TAFA5: variants seen among roughly 807,000 people sequenced by gnomAD.
The protein encoded by TAFA5 is TAFA chemokine like family member 5, also known as chemokine-like protein TAFA-5.
TAFA5 carries 6 observed loss-of-function variants against 15.3 expected under a neutral mutation model. The ratio of observed to expected loss-of-function variants is 0.39; its 90% CI spans 0.21 to 0.77. TAFA5 has a LOEUF of 0.77. TAFA5 is among the 30% of genes least tolerant of loss of function. The pLI is 0.41. For missense variants in TAFA5, 161 were observed against 193.1 expected (o/e 0.83, Z 0.98); for synonymous variants, 103 against 80.7 (o/e 1.28, Z -1.48).
intron 1 of TAFA5, chr22:48,576,211 G>C (rs1417808696): frequency 3.5e-6 from 1 of 287,090 alleles, no homozygotes; most frequent in Non-Finnish European, 5.7e-6. Flanking sequence ...AGCGGCGGCC[G>C]CCGCGGCCCG....
At chr22:48,587,893 A>G (rs1924420069) in intron 1 of TAFA5, among the ~76,000 whole-genome samples, 1 of 152,236 alleles carries the variant, frequency 6.6e-6, no homozygotes, top group Non-Finnish European at 1.5e-5. Context: ...GGGCTCCTGA[A>G]CTTCCCAGAA....
intron 1 of TAFA5, among the ~76,000 whole-genome samples, chr22:48,584,298 C>T (rs1443323205): frequency 6.9e-6 from 1 of 144,320 alleles, no homozygotes; most frequent in Non-Finnish European, 1.5e-5. Context: ...ACACAGCAGA[C>T]AGCAGACCAC....
intron 1 of TAFA5, among the ~76,000 whole-genome samples, chr22:48,537,262 C>T (rs975140851): frequency 2.0e-5 from 3 of 152,224 alleles, no homozygotes; most frequent in South Asian, 4.1e-4. Flanking sequence ...GCCCGGCTCC[C>T]TGGGGACCTG....
intron 1 of TAFA5, among the ~76,000 whole-genome samples, chr22:48,491,630 ACT>A (rs1601830852): frequency 6.6e-6 from 1 of 152,232 alleles, no homozygotes; most frequent in Admixed American, 6.5e-5. Context: ...CGCGGTACAC[ACT>A]GTCTCAAGAC....
intron 1 of TAFA5, among the ~76,000 whole-genome samples, chr22:48,540,108 G>A (rs1029726749): frequency 2.6e-5 from 4 of 152,204 alleles, no homozygotes; most frequent in Admixed American, 6.5e-5. Flanking sequence ...CCCCTCACCC[G>A]CAGTGAACCT....
intron 3 of TAFA5, among the ~76,000 whole-genome samples, chr22:48,732,907 C>G (rs1355698751): frequency 6.6e-6 from 1 of 152,134 alleles, no homozygotes; most frequent in East Asian, 1.9e-4. Flanking sequence ...GATGACGACT[C>G]CCGGAAGGCT....
intron 1 of TAFA5, among the ~76,000 whole-genome samples, chr22:48,591,210 A>C (rs1438747014): frequency 6.6e-6 from 1 of 152,226 alleles, no homozygotes. Context: ...AGCAACCTGA[A>C]GAGTTCTGTG....
intron 1 of TAFA5, among the ~76,000 whole-genome samples, chr22:48,573,161 G>A (rs947558249): frequency 6.6e-5 from 10 of 152,164 alleles, no homozygotes; most frequent in Admixed American, 3.9e-4. Flanking sequence ...CTGTGGAAGT[G>A]CAGCTCTTTG....
At chr22:48,736,968 TATCTC>T (rs1158533421) in intron 3 of TAFA5, among the ~76,000 whole-genome samples, 2 of 152,180 alleles carry the variant, frequency 1.3e-5, no homozygotes, top group African/African-American at 2.4e-5. Flanking sequence ...ATGTGAATCA[TATCTC>T]AATAAAACTG....
At chr22:48,576,564 C>T in intron 1 of TAFA5, 1 of 1,504,508 alleles carries the variant, frequency 6.6e-7, no homozygotes, top group Non-Finnish European at 8.9e-7. Context: ...CGCAGTTCCT[C>T]AAAGAAGGTA....
chr22:48,741,353 G>A (rs968146485), intron 3 of TAFA5, among the ~76,000 whole-genome samples: 2 of 152,224 alleles, frequency 1.3e-5, no homozygotes, highest in African/African-American at 2.4e-5. Context: ...CACCTTGGGA[G>A]TCACCCGGCA....
Position 48,593,952 on chromosome 22 carries a change from C to T in TAFA5, c.113-52645C>T, listed in dbSNP as rs1029378061. 2.4e-4 allele frequency among the ~76,000 whole-genome samples: 36 copies of T among 152,226 alleles called. 1 individual carries two copies. The highest frequency in any genetic ancestry group is 8.2e-4 in the African/African-American group (34 of 41,464). ...TCATCAGTGTGTCGGCTCTCATTTT[C>T]GTTATTTTTCCTATTATTTTCTCTA... is the stretch of plus-strand genomic sequence containing the variant. On this transcript the variant is annotated intron_variant, in intron 1 of 3. Coordinates refer to ENST00000402357, the MANE Select transcript of TAFA5 (RefSeq NM_001082967.3).
intron 3 of TAFA5, among the ~76,000 whole-genome samples, chr22:48,749,132 G>A (rs1039475738): frequency 5.3e-5 from 8 of 152,202 alleles, no homozygotes; most frequent in African/African-American, 1.7e-4. Flanking sequence ...AGGACGATGC[G>A]TCTCCCGGGC....
At chr22:48,545,873 C>T (rs1922647101) in intron 1 of TAFA5, among the ~76,000 whole-genome samples, 1 of 152,162 alleles carries the variant, frequency 6.6e-6, no homozygotes, top group South Asian at 2.1e-4. Flanking sequence ...CAGATTAATA[C>T]ATGAATGAGT....
chr22:48,578,300 C>A (rs572064760), intron 1 of TAFA5, among the ~76,000 whole-genome samples: 2 of 152,346 alleles, frequency 1.3e-5, no homozygotes, highest in African/African-American at 4.8e-5. Context: ...ATGTGGCCGG[C>A]CTGTGACAAG....
chr22:48,702,510 G>T (rs781440447), intron 2 of TAFA5, among the ~76,000 whole-genome samples: 1 of 152,166 alleles, frequency 6.6e-6, no homozygotes, highest in African/African-American at 2.4e-5. Flanking sequence ...CCCGGGGACA[G>T]GCACTGCAGA....
chr22:48,617,672 G>C (rs1310698676), intron 1 of TAFA5, among the ~76,000 whole-genome samples: 7 of 152,196 alleles, frequency 4.6e-5, no homozygotes, highest in Non-Finnish European at 1.0e-4. Flanking sequence ...CTATCTCCTG[G>C]GAACATAAAG....
At chr22:48,696,110 G>A (rs73175164) in intron 2 of TAFA5, among the ~76,000 whole-genome samples, 22,015 of 152,172 alleles carry the variant, frequency 0.14, 2,083 homozygotes, top group Non-Finnish European at 0.21. Context: ...TCCCAGTCTC[G>A]GGGTTCGATG....
intron 2 of TAFA5, among the ~76,000 whole-genome samples, chr22:48,704,196 A>ACACG (rs1555901067): frequency 1.6e-5 from 2 of 128,116 alleles, no homozygotes; most frequent in African/African-American, 3.4e-5. Flanking sequence ...CTCAACACAC[A>ACACG]CGCGCACACA....
Sources: allele counts gnomAD v4.1 joint callset (sites outside exome capture counted in the v4.1 genomes callset), GRCh38; gene constraint gnomAD v4.1.1; transcripts MANE v1.5; gene names NCBI Gene and HGNC (gene_info 2026-07-23, HGNC 2026-07-21).